Variants in SLC25A21 observed in about 807,000 individuals in gnomAD.
The protein encoded by SLC25A21 is mitochondrial 2-oxodicarboxylate carrier.
A neutral mutation model predicts 43.8 loss-of-function variants in SLC25A21; 47 were observed. That is an observed-to-expected ratio of 1.07 (90% confidence interval 0.85 to 1.37). The LOEUF is 1.37. SLC25A21 is among the 40% of genes most tolerant of loss of function. SLC25A21 has a pLI of 0.00. For synonymous variants in SLC25A21, 131 were observed against 121.3 expected, an observed-to-expected ratio of 1.08 and a Z score of -0.52; for missense variants, 352 against 350.2, an observed-to-expected ratio of 1.00 and a Z score of -0.04.
chr14:36,736,550 A>G (rs1281591173), intron 3 of SLC25A21, among the ~76,000 whole-genome samples: 2 of 152,192 alleles, frequency 1.3e-5, no homozygotes, highest in Admixed American at 6.5e-5. Context: ...TATATATATA[A>G]TGATAAAGGT....
chr14:37,068,061 A>G (rs1230502857), intron 1 of SLC25A21, among the ~76,000 whole-genome samples: 1 of 152,238 alleles, frequency 6.6e-6, no homozygotes, highest in Non-Finnish European at 1.5e-5. Flanking sequence ...AATATTTACT[A>G]TCTGGTTCTT....
At chr14:36,867,833 A>G in intron 2 of SLC25A21, among the ~76,000 whole-genome samples, 1 of 149,240 alleles carries the variant, frequency 6.7e-6, no homozygotes, top group Non-Finnish European at 1.5e-5. Context: ...ACACTCATTT[A>G]TTTTTCATAA....
chr14:36,961,104 A>T (rs762922952), intron 1 of SLC25A21, among the ~76,000 whole-genome samples: 2 of 140,814 alleles, frequency 1.4e-5, no homozygotes, highest in Non-Finnish European at 3.2e-5. Flanking sequence ...CCACACCTGG[A>T]TACCACAATC....
chr14:36,992,384 G>C (rs75442896), intron 1 of SLC25A21, among the ~76,000 whole-genome samples: 2,980 of 152,188 alleles, frequency 0.02, 94 homozygotes, highest in African/African-American at 0.067. Context: ...CCCCGCCTGG[G>C]AGACAGAGCA....
chr14:36,697,116 T>C lies in SLC25A21; in HGVS notation c.604-12191A>G, dbSNP rs1883062689. 2.0e-5 allele frequency among the ~76,000 whole-genome samples: 3 copies of C among 152,220 alleles called. No individual in the cohort carries two copies. The South Asian group carries it at 6.2e-4, about 32-fold the overall frequency. ...GAGATTCTGGTATGTTGTGTCTTTG[T>C]TCTCATTGGTTTCAAAGAACATCTT... On this transcript the variant is annotated intron_variant, in intron 7 of 9. Transcript: ENST00000331299.
At chr14:37,013,069 AC>A (rs1476826832) in intron 1 of SLC25A21, among the ~76,000 whole-genome samples, 2 of 152,140 alleles carry the variant, frequency 1.3e-5, no homozygotes, top group Non-Finnish European at 2.9e-5. Flanking sequence ...TGCTCCAAGA[AC>A]CCTAATAATT....
chr14:37,051,071 T>A (rs891707973), intron 1 of SLC25A21, among the ~76,000 whole-genome samples: 8 of 152,242 alleles, frequency 5.3e-5, no homozygotes, highest in Non-Finnish European at 1.0e-4. Flanking sequence ...ACTTTGTTCA[T>A]GTATTAGTTT....
Position 36,848,211 on chromosome 14 carries a change from T to C in SLC25A21, c.119+26745A>G, listed in dbSNP as rs184613912. On this transcript the variant is annotated intron_variant, in intron 2 of 9. Transcript: ENST00000331299. The stretch of plus-strand genomic sequence containing the variant: ...CCTAACTCAAAAGTCAATGATACTC[T>C]GTCTTACACAACTGTGGAACCTATT... Among the ~76,000 whole-genome samples the C allele has an allele frequency of 1.1e-4, 17 of 152,332 alleles. No individual in the cohort carries two copies. In the East Asian group the frequency reaches 3.1e-3, roughly 28 times the overall value.
At chr14:36,798,746 T>G (rs1288503948) in intron 3 of SLC25A21, among the ~76,000 whole-genome samples, 2 of 152,128 alleles carry the variant, frequency 1.3e-5, no homozygotes, top group Non-Finnish European at 2.9e-5. Flanking sequence ...CATCTCCTTC[T>G]ATATCAAAAC....
At chr14:37,169,614 T>C (rs944705059) in intron 1 of SLC25A21, among the ~76,000 whole-genome samples, 4 of 76,900 alleles carry the variant, frequency 5.2e-5, no homozygotes, top group Non-Finnish European at 1.2e-4. Flanking sequence ...CACAGAAGTG[T>C]TGTATTCATG....
chr14:36,989,284 T>C (rs560786704), intron 1 of SLC25A21, among the ~76,000 whole-genome samples: 12 of 152,052 alleles, frequency 7.9e-5, no homozygotes, highest in Admixed American at 2.0e-4. Context: ...GTGTAGATGA[T>C]GTGAAAAAGG....
intron 1 of SLC25A21, among the ~76,000 whole-genome samples, chr14:37,057,559 T>TA (rs754499623): frequency 7.2e-5 from 11 of 152,054 alleles, no homozygotes; most frequent in African/African-American, 2.4e-4. Flanking sequence ...GCAACAGTAA[T>TA]AAAAAAATAA....
At chr14:36,737,052 C>T (rs1305380262) in intron 3 of SLC25A21, among the ~76,000 whole-genome samples, 14 of 152,122 alleles carry the variant, frequency 9.2e-5, no homozygotes, top group Non-Finnish European at 1.2e-4. Context: ...ATGGGAGATA[C>T]ACAGCAAATC....
intron 1 of SLC25A21, among the ~76,000 whole-genome samples, chr14:36,946,586 A>G (rs563393987): frequency 7.2e-5 from 11 of 152,314 alleles, no homozygotes; most frequent in African/African-American, 2.6e-4. Context: ...AATAGAATTA[A>G]GAAAAATATC....
chr14:36,833,822 T>G (rs1020364761), intron 2 of SLC25A21, among the ~76,000 whole-genome samples: 1 of 152,246 alleles, frequency 6.6e-6, no homozygotes, highest in African/African-American at 2.4e-5. Flanking sequence ...GTGCTTCTTC[T>G]AAAAGTCCAA....
chr14:37,017,181 G>A (rs1013595973), intron 1 of SLC25A21, among the ~76,000 whole-genome samples: 1 of 152,026 alleles, frequency 6.6e-6, no homozygotes, highest in African/African-American at 2.4e-5. Context: ...CTTTTGGCAT[G>A]TCTTCCTCAC....
intron 1 of SLC25A21, among the ~76,000 whole-genome samples, chr14:37,127,726 T>C (rs752037535): frequency 1.2e-4 from 19 of 152,202 alleles, no homozygotes; most frequent in Non-Finnish European, 2.8e-4. Context: ...TTGTCTCAAA[T>C]AACATAAACT....
chr14:36,790,857 G>GA (rs1234669454), intron 3 of SLC25A21, among the ~76,000 whole-genome samples: 2 of 152,010 alleles, frequency 1.3e-5, no homozygotes, highest in African/African-American at 2.4e-5. Context: ...TGTTGTACTG[G>GA]AAAAAAGGGG....
intron 1 of SLC25A21, among the ~76,000 whole-genome samples, chr14:36,984,467 G>A (rs919995533): frequency 6.6e-6 from 1 of 152,016 alleles, no homozygotes; most frequent in African/African-American, 2.4e-5. Flanking sequence ...ATTTTTACAA[G>A]ATAAACTTAT....
Sources: gnomAD v4.1 joint callset for allele counts (sites outside exome capture counted in the v4.1 genomes callset) on GRCh38, gnomAD v4.1.1 for gene constraint, MANE v1.5 for transcripts, NCBI Gene and HGNC (gene_info 2026-07-23, HGNC 2026-07-21) for gene names.